The following XPO1 variants were observed in gnomAD, a reference collection of about 807,000 sequenced individuals.
XPO1 encodes the protein exportin-1.
A neutral mutation model predicts 133.3 loss-of-function variants in XPO1; 5 were observed. The ratio of observed to expected loss-of-function variants is 0.04; its 90% CI spans 0.02 to 0.08. The LOEUF (loss-of-function observed/expected upper bound fraction) is 0.08, where lower values mean the gene tolerates loss of function less well. XPO1 is among the 10% of genes least tolerant of loss of function. XPO1 has a pLI of 1.00. For synonymous variants in XPO1, 419 were observed against 408.2 expected (o/e 1.03, Z -0.32); for missense variants, 506 against 1,267.5 (o/e 0.40, Z 9.12).
At chr2:61,519,763 AAGC>A (rs1383995271) in intron 4 of XPO1, among the ~76,000 whole-genome samples, 1 of 151,828 alleles carries the variant, frequency 6.6e-6, no homozygotes, top group African/African-American at 2.4e-5. Context: ...AAGAACCTAA[AAGC>A]AGATAAAACA....
intron 2 of XPO1, among the ~76,000 whole-genome samples, chr2:61,532,495 T>G (rs1417873013): frequency 6.6e-6 from 1 of 151,994 alleles, no homozygotes; most frequent in Non-Finnish European, 1.5e-5. Context: ...ATCTACTAGC[T>G]GAACATTTAT....
At chr2:61,488,297 T>C in intron 18 of XPO1, 26 bp from the exon 19 acceptor site, 1 of 1,594,820 alleles carries the variant, frequency 6.3e-7, no homozygotes, top group Middle Eastern at 1.7e-4. Context: ...AAATGGAATC[T>C]AATTTTACCA....
rs375167349 is a variant in XPO1, at chr2:61,516,861, C to CT, written c.301+5749dup. ...CCAACAGGAACAAAGGAGGCTTCCTCTTTTTTTTTATTTGAATTATCTAAA... is the reference window on the plus strand; with the variant it reads ...CCAACAGGAACAAAGGAGGCTTCCTCTTTTTTTTTTATTTGAATTATCTAAA... On this transcript the variant is annotated intron_variant, in intron 4 of 24. Coordinates refer to ENST00000401558, the MANE Select transcript of XPO1 (RefSeq NM_003400.4). 5.4e-4 allele frequency among the ~76,000 whole-genome samples: 81 copies of CT among 151,292 alleles called. 1 individual carries two copies. The South Asian group carries it at 0.012, about 22-fold the overall frequency.
At chr2:61,482,033 C>CTTTTTTTTTTGT (rs1491506588) in intron 23 of XPO1, among the ~76,000 whole-genome samples, 1 of 86,820 alleles carries the variant, frequency 1.2e-5, no homozygotes, top group Non-Finnish European at 2.5e-5. Context: ...CCGTGCGTGG[C>CTTTTTTTTTTGT]CTTTTTTTTT....
chr2:61,495,121 G>A (rs1030911188), intron 11 of XPO1, among the ~76,000 whole-genome samples: 9 of 151,998 alleles, frequency 5.9e-5, no homozygotes, highest in African/African-American at 9.7e-5. Flanking sequence ...GGGATTACAC[G>A]ATGAATTGTA....
At chr2:61,496,392 C>T (rs1454749912) in intron 10 of XPO1, among the ~76,000 whole-genome samples, 1 of 151,992 alleles carries the variant, frequency 6.6e-6, no homozygotes, top group East Asian at 1.9e-4. Context: ...TTAAATCTTT[C>T]GTAGGTATGG....
chr2:61,523,432 A>T (rs1369179985), intron 3 of XPO1, among the ~76,000 whole-genome samples: 3 of 152,228 alleles, frequency 2.0e-5, no homozygotes, highest in Non-Finnish European at 4.4e-5. Flanking sequence ...CCTCCTGCTG[A>T]TTACTCACTC....
At position 61,492,362 on chromosome 2, in the gene XPO1, C is replaced by G. The variant is rs1321112077; in HGVS notation, c.1686G>C (p.Leu562=). 4 of 1,608,390 alleles carry G rather than the reference C, an allele frequency of 2.5e-6. No homozygotes were observed. Among genetic ancestry groups the G allele is most frequent in the Non-Finnish European group, 3.4e-6 (4 of 1,178,768 alleles). ...CGAACAGCTTGTTAACTACAGTCTT[C>G]AGAAATTTCCAGTGAGCTCTCAAAA... is the stretch of plus-strand genomic sequence containing the variant. ...PRFLRAHWKF[L]KTVVNKLFEF... The change falls in exon 15 of 25, where the codon CTG becomes CTC. Residue 562 remains leucine, a synonymous_variant. Coordinates refer to ENST00000401558, the MANE Select transcript of XPO1 (RefSeq NM_003400.4). The surrounding 1 kb of genome is among the most constrained non-coding windows in gnomAD (Gnocchi z 5.6).
chr2:61,495,045 T>C (rs371666753), intron 11 of XPO1, among the ~76,000 whole-genome samples: 1 of 151,960 alleles, frequency 6.6e-6, no homozygotes, highest in Non-Finnish European at 1.5e-5. Flanking sequence ...AGATTCACGA[T>C]GTAGGCCAGG....
chr2:61,479,844 T>A (rs997540245), intron 24 of XPO1, among the ~76,000 whole-genome samples: 2 of 152,130 alleles, frequency 1.3e-5, no homozygotes, highest in Admixed American at 6.5e-5. Flanking sequence ...ATTACAGGCA[T>A]GAGCCACTGC....
At chr2:61,531,445 G>A (rs1699150896) in intron 2 of XPO1, among the ~76,000 whole-genome samples, 1 of 152,064 alleles carries the variant, frequency 6.6e-6, no homozygotes, top group Non-Finnish European at 1.5e-5. Context: ...TTAATACTAT[G>A]AAACATTATT....
At chr2:61,533,572 T>C (rs1699249464) in intron 2 of XPO1, among the ~76,000 whole-genome samples, 200 bp downstream of exon 2, 2 of 152,308 alleles carry the variant, frequency 1.3e-5, no homozygotes, top group Admixed American at 1.3e-4. Flanking sequence ...AAGTATAATA[T>C]TCCAAAACAA....
intron 4 of XPO1, among the ~76,000 whole-genome samples, chr2:61,520,771 T>C (rs1328826077): frequency 6.6e-6 from 1 of 152,192 alleles, no homozygotes; most frequent in African/African-American, 2.4e-5. Flanking sequence ...TCCAGAACCA[T>C]CAAATGTGAT....
intron 4 of XPO1, among the ~76,000 whole-genome samples, chr2:61,503,753 G>C (rs972889666): frequency 6.6e-6 from 1 of 151,672 alleles, no homozygotes; most frequent in Non-Finnish European, 1.5e-5. Flanking sequence ...TTTTTATAGA[G>C]ACATGTTTTC....
intron 9 of XPO1, among the ~76,000 whole-genome samples, chr2:61,497,622 C>A (rs374905723): frequency 5.9e-5 from 9 of 152,216 alleles, no homozygotes; most frequent in African/African-American, 2.2e-4. Context: ...TTACACAGGA[C>A]CTAAAACTTG....
intron 19 of XPO1, among the ~76,000 whole-genome samples, chr2:61,486,711 A>G (rs1696713535): frequency 6.6e-6 from 1 of 152,098 alleles, no homozygotes; most frequent in African/African-American, 2.4e-5. Context: ...CCCAACTCAG[A>G]CTAATGTTTT....
chr2:61,491,902 G>T, intron 16 of XPO1, 133 bp downstream of exon 16: 1 of 1,173,436 alleles, frequency 8.5e-7, no homozygotes, highest in African/African-American at 1.6e-5. Context: ...CCTGTCTCAA[G>T]GAAAAAAGAA....
chr2:61,518,345 G>A (rs1019887195), intron 4 of XPO1, among the ~76,000 whole-genome samples: 3 of 151,506 alleles, frequency 2.0e-5, no homozygotes, highest in African/African-American at 4.9e-5. Flanking sequence ...GAGGTCAGGA[G>A]ATCGAGACCA....
intron 4 of XPO1, among the ~76,000 whole-genome samples, chr2:61,510,513 TAA>T (rs1698036845): frequency 6.6e-6 from 1 of 152,126 alleles, no homozygotes; most frequent in Non-Finnish European, 1.5e-5. Flanking sequence ...TTGATAATGT[TAA>T]GAGAAATGGA....
Sources: gnomAD v4.1 joint callset for allele counts (sites outside exome capture counted in the v4.1 genomes callset) on GRCh38, gnomAD v4.1.1 for gene constraint, Gnocchi (gnomAD v3.1) non-coding constraint, MANE v1.5 for transcripts, NCBI Gene and HGNC (gene_info 2026-07-23, HGNC 2026-07-21) for gene names.